Variants in ADAMTS17 observed in about 807,000 individuals in gnomAD.
ADAMTS17 encodes A disintegrin and metalloproteinase with thrombospondin motifs 17.
ADAMTS17 carries 113 observed loss-of-function variants against 141.5 expected under a neutral mutation model. That is an observed-to-expected ratio of 0.80 (90% CI 0.69 to 0.93). The LOEUF is 0.93. ADAMTS17 is among the 40% of genes least tolerant of loss of function. ADAMTS17 has a pLI of 0.00. For missense variants in ADAMTS17, 1,659 were observed against 1,517.9 expected, an observed-to-expected ratio of 1.09 and a Z score of -1.54; for synonymous variants, 768 against 630.6, an observed-to-expected ratio of 1.22 and a Z score of -3.27.
chr15:100,131,042 A>C (rs142512383), intron 12 of ADAMTS17, among the ~76,000 whole-genome samples: 3,118 of 152,294 alleles, frequency 0.02, 94 homozygotes, highest in African/African-American at 0.062. Context: ...AGCCATAAAA[A>C]AAGGATGGGT....
At chr15:100,195,613 C>CAA (rs71287815) in intron 8 of ADAMTS17, among the ~76,000 whole-genome samples, 740 of 62,770 alleles carry the variant, frequency 0.012, 13 homozygotes, top group East Asian at 0.049. Flanking sequence ...TGTTTGGTCT[C>CAA]AAAAAAAAAA....
At chr15:100,229,708 A>G (rs2042417777) in intron 7 of ADAMTS17, among the ~76,000 whole-genome samples, 1 of 152,182 alleles carries the variant, frequency 6.6e-6, no homozygotes, top group Admixed American at 6.5e-5. Flanking sequence ...CTCCTCCCAC[A>G]ACAAAACACC....
At chr15:100,337,129 C>G (rs990297297) in intron 2 of ADAMTS17, among the ~76,000 whole-genome samples, 1 of 152,260 alleles carries the variant, frequency 6.6e-6, no homozygotes, top group African/African-American at 2.4e-5. Flanking sequence ...CCACCTCGGC[C>G]TTCCAAAGTG....
chr15:99,994,141 A>G (rs2727129), intron 19 of ADAMTS17, among the ~76,000 whole-genome samples: 12,931 of 152,160 alleles, frequency 0.085, 1,628 homozygotes, highest in African/African-American at 0.28. Flanking sequence ...AGCCTCGGGA[A>G]GACAAAACTC....
intron 7 of ADAMTS17, among the ~76,000 whole-genome samples, chr15:100,209,974 C>T (rs1431494755): frequency 6.6e-6 from 1 of 152,054 alleles, no homozygotes; most frequent in African/African-American, 2.4e-5. Flanking sequence ...CATACATTTC[C>T]AGGTTGCCTC....
chr15:100,055,121 T>C (rs1311074931), intron 15 of ADAMTS17, among the ~76,000 whole-genome samples: 1 of 152,068 alleles, frequency 6.6e-6, no homozygotes, highest in Non-Finnish European at 1.5e-5. Flanking sequence ...GCACCCTCAG[T>C]CCTATGCCCA....
intron 7 of ADAMTS17, among the ~76,000 whole-genome samples, chr15:100,229,791 T>G (rs1039635354): frequency 6.6e-6 from 1 of 152,164 alleles, no homozygotes; most frequent in Admixed American, 6.5e-5. Flanking sequence ...CTTTGAAGTG[T>G]AGACAGAGAA....
intron 8 of ADAMTS17, among the ~76,000 whole-genome samples, chr15:100,162,103 T>C (rs2039717670): frequency 6.6e-6 from 1 of 152,174 alleles, no homozygotes; most frequent in Non-Finnish European, 1.5e-5. Context: ...GTTCAGTGTA[T>C]TTTTCTAGAA....
chr15:100,085,099 AT>A (rs1567147203), intron 15 of ADAMTS17, among the ~76,000 whole-genome samples: 1 of 152,106 alleles, frequency 6.6e-6, no homozygotes, highest in Non-Finnish European at 1.5e-5. Context: ...CCTTGAAAAA[AT>A]ATTAGATGAA....
chr15:100,155,161 G>A lies in ADAMTS17; in HGVS notation c.1322+19C>T, dbSNP rs1387940385. On this transcript the variant is annotated intron_variant, in intron 9 of 21. Coordinates refer to ENST00000268070, the MANE Select transcript of ADAMTS17 (RefSeq NM_139057.4). ...TACTTTTGATTGCATTCATCCTATAGAATAATTCCAGGACTTACTTGAGGA... is the reference window on the plus strand; with the variant it reads ...TACTTTTGATTGCATTCATCCTATAAAATAATTCCAGGACTTACTTGAGGA... 1.9e-6 allele frequency: 3 copies of A among 1,614,188 alleles called. No individual in the cohort carries two copies. Among genetic ancestry groups the A allele is most frequent in the Non-Finnish European group, 2.5e-6 (3 of 1,180,024 alleles).
chr15:100,281,296 T>C lies in ADAMTS17; in HGVS notation c.722A>G (p.Asp241Gly), dbSNP rs1418315772. 6 of 1,608,964 alleles carry C rather than the reference T, an allele frequency of 3.7e-6. No individual in the cohort carries two copies. In the Admixed American group the frequency reaches 6.7e-5, roughly 18 times the overall value. ...CCCGTGGTACTGCACCATGTCGGCG[T>C]CGGCCACCACCAGGGTCTCCACCGT... The part of the protein sequence containing the change: ...EHTVETLVVA[D>G]ADMVQYHGAE... Residue 241 changes from aspartate (D) to glycine (G), a missense_variant, in exon 4 of 22, where the codon GAC becomes GGC. Physicochemically the swap from Asp to Gly is moderately conservative, Grantham distance 94. Coordinates refer to ENST00000268070, the MANE Select transcript of ADAMTS17 (RefSeq NM_139057.4).
chr15:100,085,617 C>A (rs370263317), intron 15 of ADAMTS17, among the ~76,000 whole-genome samples: 2 of 151,790 alleles, frequency 1.3e-5, no homozygotes, highest in Non-Finnish European at 2.9e-5. Context: ...CCCACAAAGG[C>A]AAGCCCATCA....
chr15:100,133,386 G>T, intron 10 of ADAMTS17, 71 bp from the exon 11 acceptor site: 2 of 1,452,158 alleles, frequency 1.4e-6, no homozygotes, highest in Non-Finnish European at 1.9e-6. Flanking sequence ...GGGGTCAGAG[G>T]TGTGGCCCAA....
At chr15:100,210,993 C>T (rs1306117429) in intron 7 of ADAMTS17, among the ~76,000 whole-genome samples, 2 of 151,746 alleles carry the variant, frequency 1.3e-5, no homozygotes, top group Non-Finnish European at 2.9e-5. Context: ...CCCAGCTACT[C>T]GGGGGCTGAG....
chr15:100,341,913 G>A lies in ADAMTS17; in HGVS notation c.-14C>T, dbSNP rs1302995262. The A allele has an allele frequency of 6.5e-7, 1 of 1,545,208 alleles. No individual in the cohort carries two copies. Among genetic ancestry groups the A allele is most frequent in the Non-Finnish European group, 8.7e-7 (1 of 1,146,250 alleles). ...GCCGTCACACATGGTACCCGGGACC[G>A]GCAGCCCCCCCGGACCGTGGCGGCG... is the stretch of plus-strand genomic sequence containing the variant. On this transcript the variant is annotated 5_prime_UTR_variant, in exon 1 of 22. Coordinates refer to ENST00000268070, the MANE Select transcript of ADAMTS17 (RefSeq NM_139057.4).
chr15:100,178,086 G>C (rs114260114), intron 8 of ADAMTS17, among the ~76,000 whole-genome samples: 11 of 152,190 alleles, frequency 7.2e-5, no homozygotes, highest in African/African-American at 2.6e-4. Flanking sequence ...TTTCTTTCAG[G>C]GAGCAGATAG....
chr15:100,163,932 G>A (rs185702271), intron 8 of ADAMTS17, among the ~76,000 whole-genome samples: 65 of 152,268 alleles, frequency 4.3e-4, no homozygotes, highest in Admixed American at 2.2e-3. Context: ...GGATAGAAGC[G>A]GCCATCATCT....
At chr15:100,061,174 G>T (rs2141654496) in intron 15 of ADAMTS17, among the ~76,000 whole-genome samples, 1 of 152,306 alleles carries the variant, frequency 6.6e-6, no homozygotes, top group African/African-American at 2.4e-5. Context: ...GGTTTAACTT[G>T]TGTTCTCCAA....
At chr15:100,132,192 C>T (rs1160476773) in intron 11 of ADAMTS17, 40 bp from the exon 12 acceptor site, 10 of 1,602,338 alleles carry the variant, frequency 6.2e-6, no homozygotes, top group Admixed American at 1.7e-5. Flanking sequence ...AGGCACTCAG[C>T]AGAGCTGCTC....
Sources: allele counts gnomAD v4.1 joint callset (sites outside exome capture counted in the v4.1 genomes callset), GRCh38; gene constraint gnomAD v4.1.1; transcripts MANE v1.5; gene names NCBI Gene and HGNC (gene_info 2026-07-23, HGNC 2026-07-21).